CEP290: variants seen among roughly 807,000 people sequenced by gnomAD.
The protein encoded by CEP290 is centrosomal protein of 290 kDa.
Under a neutral mutation model 344.9 loss-of-function variants are expected in CEP290, and 317 were observed. That is an observed-to-expected ratio of 0.92 (90% confidence interval 0.84 to 1.01). The LOEUF (loss-of-function observed/expected upper bound fraction) is 1.01, where lower values mean the gene tolerates loss of function less well. CEP290 is among the 50% of genes least tolerant of loss of function. CEP290 has a pLI of 0.00. For synonymous variants in CEP290, 932 were observed against 895.8 expected (o/e 1.04, Z -0.72); for missense variants, 2,754 against 2,761.4 (o/e 1.00, Z 0.06).
chr12:88,106,128 T>A (rs1231699101), intron 25 of CEP290, among the ~76,000 whole-genome samples: 2 of 152,158 alleles, frequency 1.3e-5, no homozygotes, highest in African/African-American at 4.8e-5. Context: ...AGTGATGCAA[T>A]ATAAAGTATA....
chr12:88,050,478 C>T (rs375766568), intron 52 of CEP290, 45 bp from the exon 53 acceptor site: 66 of 883,200 alleles, frequency 7.5e-5, no homozygotes, highest in Non-Finnish European at 1.0e-4. Context: ...TTTCCCACTA[C>T]GAATGAGTTC....
Position 88,087,780 on chromosome 12 carries a change from C to T in CEP290, c.4194G>A (p.Lys1398=). Residue 1398 remains lysine, a splice_region_variant and synonymous_variant, in exon 32 of 54, where the codon AAG becomes AAA. Coordinates refer to ENST00000552810, the MANE Select transcript of CEP290 (RefSeq NM_025114.4). ...AAATGAAATAAATATAAAATAAAAC[C>T]TTGTTCTGTTGCACAATTTCTTCTT... ...SLEEEIVQQN[K]FHEERQMAWD... The T allele has an allele frequency of 8.8e-7, 1 of 1,132,664 alleles. No homozygotes were observed. The highest frequency in any genetic ancestry group is 1.2e-6 in the Non-Finnish European group (1 of 868,718). 70.2% of individuals were successfully genotyped at this position (1,132,664 alleles called of 1,614,324 possible).
chr12:88,064,193 A>G, intron 44 of CEP290, 78 bp from the exon 45 acceptor site: 1 of 1,261,240 alleles, frequency 7.9e-7, no homozygotes, highest in South Asian at 1.5e-5. Context: ...ATAAGAAAAT[A>G]CTGTCAAAAG....
intron 51 of CEP290, 71 bp downstream of exon 51, chr12:88,054,269 G>A (rs1316764262): frequency 6.3e-6 from 6 of 951,388 alleles, no homozygotes; most frequent in South Asian, 3.2e-5. Flanking sequence ...GTAGCAATTC[G>A]GAGTATATAA....
Position 88,130,834 on chromosome 12 carries a change from C to A in CEP290, c.496-269G>T, listed in dbSNP as rs7310461. 0.093 allele frequency among the ~76,000 whole-genome samples: 14,107 copies of A among 151,818 alleles called. 1,659 individuals carry two copies. Among genetic ancestry groups the A allele is most frequent in the African/African-American group, 0.28 (11,407 of 41,364 alleles). ...GATAATCAGAATTTATAAGATTCCA[C>A]AAGTAACAAAAAATTTTAAAGGATT... On this transcript the variant is annotated intron_variant, in intron 7 of 53. Transcript: ENST00000552810.
At chr12:88,078,997 C>T in intron 39 of CEP290, 95 bp downstream of exon 39, 3 of 1,067,078 alleles carry the variant, frequency 2.8e-6, no homozygotes, top group East Asian at 3.0e-5. Flanking sequence ...TTATAAATTC[C>T]CTATTCATCA....
In CEP290 at chr12:88,109,163, T is replaced by G; in HGVS notation, c.2386A>C (p.Lys796Gln). 1 of 1,254,290 alleles carries G rather than the reference T, an allele frequency of 8.0e-7. No homozygotes were observed. The highest frequency in any genetic ancestry group is 1.1e-6 in the Non-Finnish European group (1 of 913,032). 77.7% of individuals were successfully genotyped at this position (1,254,290 alleles called of 1,614,324 possible). ...HLLQELENKE[K>Q]KLKNLEDSLE... is the part of the protein sequence containing the mutation. ...GAATCTTCTAAATTCTTTAACTTTT[T>G]TTCTTTATTTTCTAGTTCCTGAAAA... Residue 796 changes from lysine to glutamine, a missense_variant, in exon 23 of 54, where the codon AAA becomes CAA. Physicochemically the swap from Lys to Gln is moderately conservative, Grantham distance 53. Transcript: ENST00000552810.
rs181121175 is a variant in CEP290 at position 88,087,887 on chromosome 12, G to T, written c.4087C>A (p.Arg1363=). The T allele has an allele frequency of 1.3e-5, 16 of 1,232,464 alleles. No homozygotes were observed. The highest frequency in any genetic ancestry group is 4.1e-4 in the Middle Eastern group (2 of 4,864). 76.3% of individuals were successfully genotyped at this position (1,232,464 alleles called of 1,614,324 possible). Residue 1363 remains arginine (R), a synonymous_variant, in exon 32 of 54, where the codon CGG becomes AGG. Transcript: ENST00000552810. ...TCTTCTTTATCCTTGACTAATTCCC[G>T]ATTTAGTTTAAGTTCTTGAAGACGA... ...ELRLQELKLN[R]ELVKDKEEIK... is the part of the protein sequence containing the mutation.
intron 41 of CEP290, among the ~76,000 whole-genome samples, chr12:88,073,846 G>A (rs1303508641): frequency 6.6e-6 from 1 of 152,130 alleles, no homozygotes; most frequent in Non-Finnish European, 1.5e-5. Context: ...TCGAATACTA[G>A]AGAACTATAT....
At chr12:88,066,615 T>C (rs367927150) in intron 44 of CEP290, among the ~76,000 whole-genome samples, 6 of 151,712 alleles carry the variant, frequency 4.0e-5, no homozygotes, top group African/African-American at 1.5e-4. Flanking sequence ...GTGAAAAATA[T>C]ACTTAGGCAC....
intron 21 of CEP290, 91 bp from the exon 22 acceptor site, chr12:88,111,442 T>C (rs930521676): frequency 2.1e-5 from 26 of 1,227,164 alleles, no homozygotes; most frequent in Admixed American, 6.5e-5. Flanking sequence ...CCAGGAATTT[T>C]ACCTCAACCA....
intron 49 of CEP290, 38 bp from the exon 50 acceptor site, chr12:88,055,755 T>C (rs1353704677): frequency 7.5e-7 from 1 of 1,326,794 alleles, no homozygotes; most frequent in Non-Finnish European, 1.0e-6. Flanking sequence ...ACATGGCAAA[T>C]AATTTATGTC....
intron 5 of CEP290, 111 bp from the exon 6 acceptor site, chr12:88,136,897 T>C: frequency 3.2e-6 from 3 of 950,060 alleles, no homozygotes; most frequent in Non-Finnish European, 4.8e-6. Context: ...TATACTTCAG[T>C]GCAGATATTT....
chr12:88,090,354 C>T (rs552600251), intron 30 of CEP290, among the ~76,000 whole-genome samples: 3 of 152,154 alleles, frequency 2.0e-5, no homozygotes, highest in Non-Finnish European at 4.4e-5. Context: ...AACAATGGCC[C>T]AGCATGGTGG....
chr12:88,087,129 A>G (rs997787015), intron 32 of CEP290, among the ~76,000 whole-genome samples: 7 of 152,138 alleles, frequency 4.6e-5, no homozygotes, highest in African/African-American at 1.7e-4. Context: ...ATGTTTGACG[A>G]ATTTCATCTG....
At chr12:88,095,326 G>C (rs2037350365) in intron 27 of CEP290, among the ~76,000 whole-genome samples, 1 of 152,060 alleles carries the variant, frequency 6.6e-6, no homozygotes, top group East Asian at 1.9e-4. Context: ...ATGAAAAAAA[G>C]CTAATGATGT....
intron 6 of CEP290, chr12:88,136,426 AAT>A: frequency 2.0e-6 from 1 of 490,966 alleles, no homozygotes; most frequent in Non-Finnish European, 3.5e-6. Flanking sequence ...TGTACTTCCA[AAT>A]ATAAAGAATT....
Position 88,049,175 on chromosome 12 carries a change from A to G in CEP290, c.*9T>C, listed in dbSNP as rs1208788012. 1.3e-6 allele frequency: 2 copies of G among 1,513,204 alleles called. No homozygotes were observed. The highest frequency in any genetic ancestry group is 1.4e-5 in the African/African-American group (1 of 71,624). The allele number at this position is 1,513,204 out of a possible 1,614,324, so 93.7% of individuals were successfully genotyped here. A position where few individuals can be genotyped will look rare whatever the true frequency, so the allele number is the denominator to read the frequency against. On this transcript the variant is annotated 3_prime_UTR_variant, in exon 54 of 54. Coordinates refer to ENST00000552810, the MANE Select transcript of CEP290 (RefSeq NM_025114.4). Reference sequence around the variant, plus strand: ...AATAGTTAAATGAAACAAAGTTTATAGGTGACCTTTAGTAAATGGGGAAAT... The same window carrying G: ...AATAGTTAAATGAAACAAAGTTTATGGGTGACCTTTAGTAAATGGGGAAAT...
intron 25 of CEP290, 113 bp downstream of exon 25, chr12:88,106,562 G>T: frequency 1.5e-6 from 1 of 650,886 alleles, no homozygotes; most frequent in Non-Finnish European, 2.5e-6. Flanking sequence ...ATGACAAAAT[G>T]TTAATAAATG....
Sources: gnomAD v4.1 joint callset for allele counts (sites outside exome capture counted in the v4.1 genomes callset) on GRCh38, gnomAD v4.1.1 for gene constraint, MANE v1.5 for transcripts, NCBI Gene and HGNC (gene_info 2026-07-23, HGNC 2026-07-21) for gene names.